Variants in SLC25A16 observed in about 807,000 individuals in gnomAD.
The protein encoded by SLC25A16 is solute carrier family 25 member 16.
Under a neutral mutation model 41.5 loss-of-function variants are expected in SLC25A16, and 39 were observed. The observed-to-expected ratio is 0.94, with a 90% CI of 0.73 to 1.23. The LOEUF is 1.23. Ranked by LOEUF, SLC25A16 falls within the 50% of genes most tolerant of loss-of-function variation. The pLI is 0.00. For missense variants in SLC25A16, 421 were observed against 426.9 expected, an observed-to-expected ratio of 0.99 and a Z score of 0.12; for synonymous variants, 146 against 147.8, an observed-to-expected ratio of 0.99 and a Z score of 0.09.
At chr10:68,524,058 C>T (rs1046724986) in intron 1 of SLC25A16, among the ~76,000 whole-genome samples, 1 of 152,050 alleles carries the variant, frequency 6.6e-6, no homozygotes, top group Non-Finnish European at 1.5e-5. Flanking sequence ...CGCCTGTAAT[C>T]CCAGCACTAT....
chr10:68,503,517 A>T (rs1293403722), intron 4 of SLC25A16, 115 bp downstream of exon 4: 10 of 597,504 alleles, frequency 1.7e-5, no homozygotes, highest in African/African-American at 3.8e-5. Context: ...AATACAAGTC[A>T]CAGGACACCT....
chr10:68,518,053 T>C (rs966634044), intron 1 of SLC25A16: 4 of 151,974 alleles, frequency 2.6e-5, no homozygotes. Flanking sequence ...GAGCCAACAG[T>C]TGGAGGTCAC....
rs1450266112 is a variant in SLC25A16, at chr10:68,479,157, AC to A, written c.*4274del. 6.6e-6 allele frequency: 1 copy of A among 152,174 alleles called. No homozygotes were observed. The highest frequency in any genetic ancestry group is 6.6e-5 in the Admixed American group (1 of 15,266). The allele number at this position is 152,174 out of a possible 1,614,324, so 9.4% of individuals were successfully genotyped here. A position where few individuals can be genotyped will look rare whatever the true frequency, so the allele number is the denominator to read the frequency against. ...TATTCCTAAATTGTTTATTTCTTGA[AC>A]TATTTGTGCTTCATTTCTGCCTGCT... is the stretch of plus-strand genomic sequence containing the variant. On this transcript the variant is annotated 3_prime_UTR_variant, in exon 9 of 9. Transcript: ENST00000609923.
chr10:68,511,395 T>TAGGGTATACTGTAACC (rs1306297777), intron 2 of SLC25A16, among the ~76,000 whole-genome samples: 1 of 152,212 alleles, frequency 6.6e-6, no homozygotes, highest in African/African-American at 2.4e-5. Flanking sequence ...ATATGCCTTG[T>TAGGGTATACTGTAACC]AGGGTATACT....
intron 2 of SLC25A16, among the ~76,000 whole-genome samples, chr10:68,513,804 A>G (rs891220784): frequency 3.3e-5 from 5 of 151,810 alleles, no homozygotes; most frequent in Non-Finnish European, 2.9e-5. Context: ...GCAGGAGAAT[A>G]GTTTGAACCC....
intron 3 of SLC25A16, among the ~76,000 whole-genome samples, chr10:68,505,452 C>A (rs1418917245): frequency 6.6e-6 from 1 of 152,130 alleles, no homozygotes; most frequent in Non-Finnish European, 1.5e-5. Flanking sequence ...TAAAGATATT[C>A]TAGCTCTCAT....
intron 4 of SLC25A16, among the ~76,000 whole-genome samples, chr10:68,500,987 C>A (rs2052833869): frequency 1.3e-5 from 2 of 150,784 alleles, no homozygotes; most frequent in Admixed American, 1.3e-4. Context: ...TGCGGTGACT[C>A]ACACCTGTAA....
chr10:68,524,248 G>A (rs920981852), intron 1 of SLC25A16, among the ~76,000 whole-genome samples: 1 of 135,818 alleles, frequency 7.4e-6, no homozygotes, highest in Admixed American at 8.4e-5. Context: ...AGGCAGAGAT[G>A]AGATTGCAGT....
intron 2 of SLC25A16, among the ~76,000 whole-genome samples, chr10:68,513,284 C>A (rs1328516389): frequency 6.6e-6 from 1 of 151,154 alleles, no homozygotes; most frequent in Non-Finnish European, 1.5e-5. Context: ...TGGTGCATGC[C>A]TGTAGTCCCA....
chr10:68,510,849 T>C (rs533092356), intron 2 of SLC25A16, among the ~76,000 whole-genome samples: 25 of 151,416 alleles, frequency 1.7e-4, no homozygotes, highest in African/African-American at 6.1e-4. Flanking sequence ...AATAAATACA[T>C]GAAAAAATTT....
chr10:68,495,851 T>C (rs2052742660), intron 4 of SLC25A16, among the ~76,000 whole-genome samples: 3 of 150,008 alleles, frequency 2.0e-5, no homozygotes, highest in Non-Finnish European at 4.4e-5. Context: ...CAAATTAGAC[T>C]CTACTACTAA....
intron 1 of SLC25A16, among the ~76,000 whole-genome samples, chr10:68,522,992 T>A (rs1425619654): frequency 1.3e-5 from 2 of 151,640 alleles, no homozygotes; most frequent in South Asian, 2.1e-4. Flanking sequence ...AAAAAAAAAA[T>A]AAAAGTGGAA....
intron 3 of SLC25A16, among the ~76,000 whole-genome samples, chr10:68,505,286 C>T (rs751153666): frequency 6.6e-6 from 1 of 151,934 alleles, no homozygotes; most frequent in Non-Finnish European, 1.5e-5. Flanking sequence ...GAGGTTGAGG[C>T]TGCAGTAAGC....
intron 2 of SLC25A16, among the ~76,000 whole-genome samples, chr10:68,510,606 C>T (rs574098020): frequency 1.3e-4 from 19 of 151,904 alleles, no homozygotes; most frequent in Non-Finnish European, 2.6e-4. Flanking sequence ...TTTTGGAGGC[C>T]GAAGCAGGCG....
At chr10:68,515,275 T>C (rs944511304) in intron 2 of SLC25A16, among the ~76,000 whole-genome samples, 3 of 149,420 alleles carry the variant, frequency 2.0e-5, no homozygotes, top group Non-Finnish European at 3.0e-5. Flanking sequence ...GAGAATCACT[T>C]GAACCCAGGA....
At chr10:68,493,014 T>G in intron 6 of SLC25A16, 118 bp downstream of exon 6, 1 of 670,740 alleles carries the variant, frequency 1.5e-6, no homozygotes. Flanking sequence ...CCATAAATCA[T>G]TTCTTATTAA....
At chr10:68,504,611 T>C (rs1226934575) in intron 3 of SLC25A16, among the ~76,000 whole-genome samples, 1 of 150,054 alleles carries the variant, frequency 6.7e-6, no homozygotes, top group East Asian at 2.0e-4. Context: ...TCTCCTGAAC[T>C]TGTGATCCGC....
At chr10:68,487,841 A>C (rs1234320430) in intron 7 of SLC25A16, among the ~76,000 whole-genome samples, 2 of 151,602 alleles carry the variant, frequency 1.3e-5, no homozygotes, top group Non-Finnish European at 2.9e-5. Flanking sequence ...TTAAATACAC[A>C]ATATACAAAT....
At chr10:68,494,506 A>G (rs1590100719) in intron 4 of SLC25A16, among the ~76,000 whole-genome samples, 1 of 119,924 alleles carries the variant, frequency 8.3e-6, no homozygotes, top group Non-Finnish European at 1.7e-5. Flanking sequence ...GAGGGAGGGG[A>G]GGAGAGACGG....
Sources: gnomAD v4.1 joint callset for allele counts (sites outside exome capture counted in the v4.1 genomes callset) on GRCh38, gnomAD v4.1.1 for gene constraint, MANE v1.5 for transcripts, NCBI Gene and HGNC (gene_info 2026-07-23, HGNC 2026-07-21) for gene names.